SAMD5: variants seen among roughly 807,000 people sequenced by gnomAD.
SAMD5 encodes the protein sterile alpha motif domain containing 5, also known as sterile alpha motif domain-containing protein 5.
In SAMD5, 13 loss-of-function variants were observed where a neutral mutation model predicts 11.3. The ratio of observed to expected loss-of-function variants is 1.15; its 90% CI spans 0.75 to 1.83. SAMD5 has a LOEUF of 1.83. Ranked by LOEUF, SAMD5 falls within the 40% of genes most tolerant of loss-of-function variation. SAMD5 has a pLI of 0.00. For synonymous variants in SAMD5, 129 were observed against 111.3 expected (o/e 1.16, Z -1.00); for missense variants, 255 against 239.1 (o/e 1.07, Z -0.44).
chr6:147,637,166 G>T (rs75125414), intron 1 of SAMD5, among the ~76,000 whole-genome samples: 1 of 152,266 alleles, frequency 6.6e-6, no homozygotes, highest in African/African-American at 2.4e-5. Context: ...ATCACTCCAG[G>T]TAGCAGGGTT....
chr6:147,697,289 C>A (rs1791189957), intron 1 of SAMD5, among the ~76,000 whole-genome samples: 1 of 152,172 alleles, frequency 6.6e-6, no homozygotes, highest in East Asian at 1.9e-4. Context: ...CTAAAATGAA[C>A]CTAAATACAT....
rs769813652 is a variant in SAMD5 at position 147,509,353 on chromosome 6, G to A, written c.425G>A (p.Gly142Asp). The A allele has an allele frequency of 2.5e-6, 4 of 1,574,290 alleles. No homozygotes were observed. Among genetic ancestry groups the A allele is most frequent in the South Asian group, 1.2e-5 (1 of 85,448 alleles). Residue 142 changes from glycine to aspartate, a missense_variant, in exon 1 of 2, where the codon GGC becomes GAC. Physicochemically the swap from Gly to Asp is moderately conservative, Grantham distance 94 (BLOSUM62 -1). Coordinates refer to ENST00000367474, the MANE Select transcript of SAMD5 (RefSeq NM_001030060.3). ...IMIRDKLVRD[G>D]IHLSKPPYSR... is the part of the protein sequence containing the mutation. ...ATCAGGGATAAGCTCGTCCGTGACG[G>A]CATCCACCTGAGCAAGCCCCCGTAC...
the SAMD5 span, among the ~76,000 whole-genome samples, chr6:147,851,429 G>A: frequency 3.3e-5 from 5 of 152,080 alleles, no homozygotes; most frequent in African/African-American, 9.7e-5. Context: ...GGGAGACTAC[G>A]GTATTATAAG....
chr6:147,753,202 G>C, the SAMD5 span, among the ~76,000 whole-genome samples: 1 of 152,304 alleles, frequency 6.6e-6, no homozygotes, highest in South Asian at 2.1e-4. Context: ...ATTTAAACAT[G>C]CATTCACTGG....
At chr6:147,538,162 C>G (rs902115929) in intron 1 of SAMD5, among the ~76,000 whole-genome samples, 8 of 152,034 alleles carry the variant, frequency 5.3e-5, no homozygotes, top group Non-Finnish European at 1.2e-4. Flanking sequence ...GATTCTGGCC[C>G]CATAACAGTA....
chr6:147,887,332 A>T, the SAMD5 span, among the ~76,000 whole-genome samples: 1 of 152,104 alleles, frequency 6.6e-6, no homozygotes, highest in African/African-American at 2.4e-5. Context: ...TTGTAATCTC[A>T]TCCCTCTCTT....
intron 1 of SAMD5, among the ~76,000 whole-genome samples, chr6:147,540,062 G>T (rs1788575155): frequency 6.6e-6 from 1 of 151,986 alleles, no homozygotes; most frequent in African/African-American, 2.4e-5. Context: ...GTCTTAAAGA[G>T]ATGGTGAGCA....
the SAMD5 span, among the ~76,000 whole-genome samples, chr6:147,823,613 A>T: frequency 6.6e-6 from 1 of 152,190 alleles, no homozygotes; most frequent in Admixed American, 6.5e-5. Flanking sequence ...GTATCCTGGA[A>T]CTTAAAGTAA....
chr6:147,889,430 G>A, the SAMD5 span, among the ~76,000 whole-genome samples: 1 of 152,058 alleles, frequency 6.6e-6, no homozygotes, highest in African/African-American at 2.4e-5. Context: ...CAATTTCCTT[G>A]TTCACTAATT....
the SAMD5 span, among the ~76,000 whole-genome samples, chr6:147,829,309 C>T: frequency 6.6e-6 from 1 of 152,206 alleles, no homozygotes; most frequent in Admixed American, 6.5e-5. Context: ...CGAGGAGAAG[C>T]TCTGAGGCTC....
At chr6:147,537,532 C>T (rs988484410) in intron 1 of SAMD5, among the ~76,000 whole-genome samples, 14 of 152,144 alleles carry the variant, frequency 9.2e-5, no homozygotes, top group African/African-American at 2.6e-4. Context: ...GCGGGCGGAA[C>T]ACGAGGTCAG....
intron 1 of SAMD5, 144 bp downstream of exon 1, chr6:147,509,531 C>A (rs774486959): frequency 6.3e-6 from 4 of 633,454 alleles, no homozygotes; most frequent in Non-Finnish European, 1.0e-5. Flanking sequence ...TTTCTATGTT[C>A]TTTCTGTATT....
chr6:147,792,931 TTAAA>T, the SAMD5 span, among the ~76,000 whole-genome samples: 3 of 152,128 alleles, frequency 2.0e-5, no homozygotes, highest in African/African-American at 7.2e-5. Flanking sequence ...AAATAAATGA[TTAAA>T]TAAATGGAGA....
chr6:147,567,619 G>C lies in SAMD5; in HGVS notation c.*3163G>C. On this transcript the variant is annotated 3_prime_UTR_variant, in exon 2 of 2. Transcript: ENST00000367474. ...ACATACAGTCCTTGGCTCAGTGCTA[G>C]GCATGTAGCAGGTGCTGACTGCCTC... 1 of 980,006 alleles carries C rather than the reference G, an allele frequency of 1.0e-6. No homozygotes were observed. Among genetic ancestry groups the C allele is most frequent in the Non-Finnish European group, 1.2e-6 (1 of 825,100 alleles). The allele number at this position is 980,006 out of a possible 1,614,324, so 60.7% of individuals were successfully genotyped here.
At chr6:147,571,075 C>G (rs778541747), downstream of SAMD5, among the ~76,000 whole-genome samples, 1 of 152,176 alleles carries the variant, frequency 6.6e-6, no homozygotes, top group Non-Finnish European at 1.5e-5. Context: ...TGTTCATAAA[C>G]TAAAGCTCCA....
At chr6:147,579,463 T>C (rs1003266809) in intron 1 of SAMD5, among the ~76,000 whole-genome samples, 1 of 136,300 alleles carries the variant, frequency 7.3e-6, no homozygotes. Context: ...AATTTTTTTT[T>C]TTTTTTTTTT....
At chr6:147,870,432 G>T in the SAMD5 span, among the ~76,000 whole-genome samples, 1 of 119,060 alleles carries the variant, frequency 8.4e-6, no homozygotes, top group African/African-American at 3.2e-5. Flanking sequence ...ATCCCCTTTG[G>T]TGTGTGTGTG....
At chr6:147,728,521 G>A (rs1233602001) in intron 1 of SAMD5, among the ~76,000 whole-genome samples, 3 of 152,214 alleles carry the variant, frequency 2.0e-5, no homozygotes, top group Admixed American at 2.0e-4. Flanking sequence ...ACCTGAGTCT[G>A]ATCAAGCCTC....
intron 1 of SAMD5, among the ~76,000 whole-genome samples, chr6:147,686,363 A>G (rs957480112): frequency 6.6e-6 from 1 of 152,160 alleles, no homozygotes; most frequent in African/African-American, 2.4e-5. Context: ...CAAGGTCACA[A>G]AGACATTCAC....
Sources: gnomAD v4.1 joint callset for allele counts (sites outside exome capture counted in the v4.1 genomes callset) on GRCh38, gnomAD v4.1.1 for gene constraint, MANE v1.5 for transcripts, NCBI Gene and HGNC (gene_info 2026-07-23, HGNC 2026-07-21) for gene names.